Variants in LRRC20 observed in about 807,000 individuals in gnomAD.
LRRC20 encodes leucine rich repeat containing 20.
Under a neutral mutation model 14.4 loss-of-function variants are expected in LRRC20, and 11 were observed. The ratio of observed to expected loss-of-function variants is 0.77; its 90% CI spans 0.48 to 1.27. The LOEUF (loss-of-function observed/expected upper bound fraction) is 1.27. LRRC20 is among the 50% of genes most tolerant of loss of function. The pLI is 0.00. For missense variants in LRRC20, 219 were observed against 251.2 expected (o/e 0.87, Z 0.87); for synonymous variants, 121 against 107.3 (o/e 1.13, Z -0.79).
chr10:70,305,499 G>A (rs375816219), intron 4 of LRRC20, among the ~76,000 whole-genome samples: 47 of 152,084 alleles, frequency 3.1e-4, no homozygotes, highest in African/African-American at 1.1e-3. Flanking sequence ...CATTAATTTA[G>A]TCTATTCCTG....
In LRRC20 at chr10:70,299,913, C is replaced by G. The variant is rs1017985225; in HGVS notation, c.*1441G>C. 2 of 152,292 alleles carry G rather than the reference C, an allele frequency of 1.3e-5. No individual in the cohort carries two copies. Among genetic ancestry groups the G allele is most frequent in the African/African-American group, 4.8e-5 (2 of 41,434 alleles). The allele number at this position is 152,292 out of a possible 1,614,324, so 9.4% of individuals were successfully genotyped here. ...AGTTCCTTCCCAAGAGACAAGAGAC[C>G]TGGGCAGGGACGAGGGAACTGGGAG... On this transcript the variant is annotated 3_prime_UTR_variant, in exon 5 of 5. Coordinates refer to ENST00000446961, the MANE Select transcript of LRRC20 (RefSeq NM_001278212.2).
chr10:70,312,847 A>G (rs1253694398), intron 4 of LRRC20, among the ~76,000 whole-genome samples: 1 of 152,124 alleles, frequency 6.6e-6, no homozygotes, highest in Non-Finnish European at 1.5e-5. Flanking sequence ...TATGGCGGGC[A>G]CCCCCATCAA....
rs143537199 is a variant in LRRC20, at chr10:70,361,160, G to A, written c.82+15292C>T. 1.5e-3 allele frequency among the ~76,000 whole-genome samples: 229 copies of A among 152,250 alleles called. 1 individual carries two copies. The highest frequency in any genetic ancestry group is 5.1e-3 in the African/African-American group (212 of 41,532). On this transcript the variant is annotated intron_variant, in intron 2 of 4. Transcript: ENST00000446961. ...ATTTTAAGATTTGCTGGCTGTGAGCGTCCACACAAACCACTGCAGCTCATG... is the reference window on the plus strand; with the variant it reads ...ATTTTAAGATTTGCTGGCTGTGAGCATCCACACAAACCACTGCAGCTCATG...
At chr10:70,368,319 G>C (rs903647197) in intron 2 of LRRC20, among the ~76,000 whole-genome samples, 1 of 151,086 alleles carries the variant, frequency 6.6e-6, no homozygotes, top group African/African-American at 2.4e-5. Context: ...CACCACGCCC[G>C]GCTAATTTTT....
chr10:70,333,423 T>A (rs1842611988), intron 3 of LRRC20, among the ~76,000 whole-genome samples: 1 of 152,220 alleles, frequency 6.6e-6, no homozygotes, highest in Non-Finnish European at 1.5e-5. Context: ...TTTAACTTAT[T>A]TTTTGTAGCT....
At chr10:70,347,186 C>T (rs1420717235) in intron 2 of LRRC20, among the ~76,000 whole-genome samples, 2 of 152,136 alleles carry the variant, frequency 1.3e-5, no homozygotes, top group Non-Finnish European at 2.9e-5. Flanking sequence ...AATAACCTGG[C>T]AAATTCGCAG....
intron 4 of LRRC20, among the ~76,000 whole-genome samples, chr10:70,305,896 A>T (rs1841401789): frequency 1.3e-5 from 2 of 151,976 alleles, no homozygotes; most frequent in Non-Finnish European, 2.9e-5. Context: ...GCCCGCCACC[A>T]CGCCCGGCTA....
intron 2 of LRRC20, among the ~76,000 whole-genome samples, chr10:70,358,223 C>T (rs1046364455): frequency 3.9e-5 from 6 of 152,278 alleles, no homozygotes; most frequent in African/African-American, 1.4e-4. Flanking sequence ...TATGTCTCTC[C>T]AAATGTGGGA....
At chr10:70,370,367 A>G (rs899002917) in intron 2 of LRRC20, among the ~76,000 whole-genome samples, 40 of 152,158 alleles carry the variant, frequency 2.6e-4, no homozygotes, top group African/African-American at 9.7e-4. Context: ...ACAGGGTCCA[A>G]ATTATTATAT....
chr10:70,306,403 T>C (rs1841428104), intron 4 of LRRC20, among the ~76,000 whole-genome samples: 1 of 152,158 alleles, frequency 6.6e-6, no homozygotes, highest in Admixed American at 6.5e-5. Context: ...TCTAACTCTT[T>C]GGGCCCCTTT....
Position 70,301,366 on chromosome 10 carries a change from GGCTCT to G in LRRC20, c.538_542del (p.Arg180ProfsTer60). On this transcript the variant is annotated frameshift_variant, in exon 5 of 5. Transcript: ENST00000446961. LOFTEE classifies it high-confidence loss of function. ...TGAGGAGGGTGGCCTAAGGTAGGGG[GGCTCT>G]TGCGCCTTCCGGAGACATGAGCATG... 6.2e-7 allele frequency: 1 copy of G among 1,612,888 alleles called. No individual in the cohort carries two copies. Among genetic ancestry groups the G allele is most frequent in the Non-Finnish European group, 8.5e-7 (1 of 1,179,824 alleles).
rs1296882860 is a variant in LRRC20, at chr10:70,301,345, G to A, written c.*9C>T. The stretch of plus-strand genomic sequence containing the variant: ...CTGCCCCTTGCTGGGTGGGCATGAG[G>A]AGGGTGGCCTAAGGTAGGGGGGCTC... On this transcript the variant is annotated 3_prime_UTR_variant, in exon 5 of 5. Coordinates refer to ENST00000446961, the MANE Select transcript of LRRC20 (RefSeq NM_001278212.2). The A allele has an allele frequency of 6.2e-7, 1 of 1,610,848 alleles. No homozygotes were observed. The highest frequency in any genetic ancestry group is 8.5e-7 in the Non-Finnish European group (1 of 1,179,034).
intron 2 of LRRC20, among the ~76,000 whole-genome samples, chr10:70,344,026 C>G (rs1411176484): frequency 1.3e-5 from 2 of 152,036 alleles, no homozygotes; most frequent in Admixed American, 6.6e-5. Context: ...TAGTGAGACC[C>G]TGTCTCTACA....
At chr10:70,370,512 G>A (rs894433898) in intron 2 of LRRC20, among the ~76,000 whole-genome samples, 7 of 152,278 alleles carry the variant, frequency 4.6e-5, no homozygotes, top group Admixed American at 3.9e-4. Context: ...CTAGCACTTC[G>A]GGAGGCTGAG....
chr10:70,368,400 G>A (rs1242106980), intron 2 of LRRC20, among the ~76,000 whole-genome samples: 8 of 151,492 alleles, frequency 5.3e-5, no homozygotes, highest in Non-Finnish European at 1.0e-4. Context: ...CTCGTGATCC[G>A]CCTGCCTCGG....
At chr10:70,344,112 A>G (rs4746027) in intron 2 of LRRC20, among the ~76,000 whole-genome samples, 68,100 of 151,870 alleles carry the variant, frequency 0.45, 15,591 homozygotes, top group Middle Eastern at 0.56. Context: ...AAGTGGGAAG[A>G]AGATCGCTTG....
At chr10:70,363,991 C>A (rs1304649140) in intron 2 of LRRC20, among the ~76,000 whole-genome samples, 1 of 152,210 alleles carries the variant, frequency 6.6e-6, no homozygotes, top group Admixed American at 6.5e-5. Context: ...CTGCTTCCTG[C>A]GAGAGGCAGA....
At chr10:70,352,823 T>C (rs949178494) in intron 2 of LRRC20, among the ~76,000 whole-genome samples, 1 of 151,004 alleles carries the variant, frequency 6.6e-6, no homozygotes, top group Non-Finnish European at 1.5e-5. Context: ...TAGCTTTAAG[T>C]ATATTTACAT....
At chr10:70,377,375 TA>T (rs1426915481) in intron 1 of LRRC20, among the ~76,000 whole-genome samples, 3 of 152,152 alleles carry the variant, frequency 2.0e-5, no homozygotes, top group East Asian at 3.9e-4. Context: ...TGTTAAGACA[TA>T]AGGACTTGCA....
Sources: gnomAD v4.1 joint callset for allele counts (sites outside exome capture counted in the v4.1 genomes callset) on GRCh38, gnomAD v4.1.1 for gene constraint, MANE v1.5 for transcripts, NCBI Gene and HGNC (gene_info 2026-07-23, HGNC 2026-07-21) for gene names.